RBFOX1: variants seen among roughly 807,000 people sequenced by gnomAD.
RBFOX1 encodes RNA binding protein fox-1 homolog 1.
A neutral mutation model predicts 57.7 loss-of-function variants in RBFOX1; 8 were observed. That is an observed-to-expected ratio of 0.14 (90% confidence interval 0.08 to 0.25). The LOEUF (loss-of-function observed/expected upper bound fraction) is 0.25, where lower values mean the gene tolerates loss of function less well. RBFOX1 is among the 10% of genes least tolerant of loss of function. The pLI is 1.00. For missense variants in RBFOX1, 611 were observed against 548.5 expected (o/e 1.11, Z -1.14); for synonymous variants, 326 against 222.4 (o/e 1.47, Z -4.15).
At chr16:6,033,107 C>A (rs1046744148) in intron 1 of RBFOX1, among the ~76,000 whole-genome samples, 6 of 152,126 alleles carry the variant, frequency 3.9e-5, no homozygotes, top group African/African-American at 9.7e-5. Context: ...TTACCGTGAG[C>A]ACAGCAAATT....
intron 2 of RBFOX1, among the ~76,000 whole-genome samples, chr16:6,634,917 TATA>T (rs1244527684): frequency 3.3e-5 from 4 of 121,472 alleles, no homozygotes; most frequent in African/African-American, 1.1e-4. Flanking sequence ...TTTTAATTTA[TATA>T]ATATAATATA....
At chr16:5,961,019 C>T (rs552903276) in intron 4 of RBFOX1, among the ~76,000 whole-genome samples, 1 of 152,284 alleles carries the variant, frequency 6.6e-6, no homozygotes, top group South Asian at 2.1e-4. Flanking sequence ...TTTTCATTTT[C>T]ACGGCATGAA....
At position 5,619,821 on chromosome 16, in the gene RBFOX1, A is replaced by T. The variant is rs1360905687; in HGVS notation, c.318+20860A>T. Among the ~76,000 whole-genome samples the T allele has an allele frequency of 1.2e-4, 18 of 152,116 alleles. 1 individual carries two copies. The highest frequency in any genetic ancestry group is 8.5e-4 in the Admixed American group (13 of 15,268). ...CCTTTCACTGAGTTTCCGTGAAGGC[A>T]GTCAGACCTGGGCAGGTCCCCTGGG... On this transcript the variant is annotated intron_variant, in intron 3 of 19. Transcript: ENST00000641259.
intron 2 of RBFOX1, among the ~76,000 whole-genome samples, chr16:6,595,822 T>C (rs1196680952): frequency 6.6e-6 from 1 of 152,220 alleles, no homozygotes; most frequent in Non-Finnish European, 1.5e-5. Context: ...TTAAGCATCT[T>C]TTTAATGTGC....
intron 1 of RBFOX1, among the ~76,000 whole-genome samples, chr16:5,295,025 TAA>T (rs34929778): frequency 7.5e-5 from 6 of 80,370 alleles, no homozygotes; most frequent in African/African-American, 6.6e-5. Context: ...GTGAGACTCT[TAA>T]AAAAAAAAAA....
At chr16:6,698,478 C>A (rs1407240175) in intron 3 of RBFOX1, among the ~76,000 whole-genome samples, 1 of 152,188 alleles carries the variant, frequency 6.6e-6, no homozygotes, top group African/African-American at 2.4e-5. Flanking sequence ...GTCATTATCT[C>A]TTCCTGGGCT....
chr16:5,914,820 G>A (rs2058672207), intron 4 of RBFOX1, among the ~76,000 whole-genome samples: 1 of 152,070 alleles, frequency 6.6e-6, no homozygotes, highest in African/African-American at 2.4e-5. Context: ...GCATGAACCT[G>A]GGAGGCGGAG....
intron 4 of RBFOX1, among the ~76,000 whole-genome samples, chr16:7,488,773 T>A (rs894939806): frequency 2.0e-5 from 3 of 152,242 alleles, no homozygotes; most frequent in African/African-American, 7.2e-5. Context: ...TTTGTATATG[T>A]ATACATCTAT....
At chr16:6,161,774 G>T (rs1485552834) in intron 1 of RBFOX1, among the ~76,000 whole-genome samples, 1 of 152,206 alleles carries the variant, frequency 6.6e-6, no homozygotes, top group Admixed American at 6.5e-5. Flanking sequence ...CTTGCTCCAA[G>T]ATTGAAATTT....
At chr16:5,933,176 C>T (rs911687795) in intron 4 of RBFOX1, among the ~76,000 whole-genome samples, 3 of 152,136 alleles carry the variant, frequency 2.0e-5, no homozygotes, top group African/African-American at 7.2e-5. Context: ...TTCCTTAGCA[C>T]GTTTGCATAC....
chr16:6,403,030 A>G (rs574094442), intron 2 of RBFOX1, among the ~76,000 whole-genome samples: 23 of 152,170 alleles, frequency 1.5e-4, no homozygotes, highest in South Asian at 1.2e-3. Flanking sequence ...TATTTGTTTA[A>G]TTCATGGGTT....
At chr16:7,054,512 A>G (rs1374304115) in intron 4 of RBFOX1, among the ~76,000 whole-genome samples, 3 of 128,200 alleles carry the variant, frequency 2.3e-5, no homozygotes, top group African/African-American at 5.4e-5. Context: ...AGGTGATGGG[A>G]TTACAGGTGT....
intron 2 of RBFOX1, among the ~76,000 whole-genome samples, chr16:6,379,203 C>T (rs986295906): frequency 1.3e-5 from 2 of 151,964 alleles, no homozygotes; most frequent in Admixed American, 1.3e-4. Context: ...TGTAGAAGAC[C>T]CAGCTGAGAT....
chr16:6,668,856 C>G (rs1419105250), intron 3 of RBFOX1, among the ~76,000 whole-genome samples: 3 of 152,128 alleles, frequency 2.0e-5, no homozygotes, highest in African/African-American at 2.4e-5. Flanking sequence ...TTTCTTTAAA[C>G]TCTGAATTAA....
At chr16:5,757,092 A>C (rs1296211828) in intron 3 of RBFOX1, among the ~76,000 whole-genome samples, 1 of 152,334 alleles carries the variant, frequency 6.6e-6, no homozygotes, top group Non-Finnish European at 1.5e-5. Context: ...GAGACCTAAA[A>C]TTAAGAACCA....
intron 1 of RBFOX1, among the ~76,000 whole-genome samples, chr16:6,121,851 C>G (rs1438325175): frequency 6.6e-6 from 1 of 152,164 alleles, no homozygotes; most frequent in Non-Finnish European, 1.5e-5. Flanking sequence ...TTAAGTGAGG[C>G]AATACCTGTA....
At chr16:5,290,471 T>A (rs2151171995) in intron 1 of RBFOX1, among the ~76,000 whole-genome samples, 1 of 152,320 alleles carries the variant, frequency 6.6e-6, no homozygotes, top group South Asian at 2.1e-4. Context: ...CTGATGGTGG[T>A]TGCCGAGCTC....
At chr16:6,503,075 A>G (rs1212006631) in intron 2 of RBFOX1, among the ~76,000 whole-genome samples, 1 of 152,238 alleles carries the variant, frequency 6.6e-6, no homozygotes, top group Non-Finnish European at 1.5e-5. Flanking sequence ...ATATGGATGC[A>G]TGGATATATT....
At chr16:5,840,391 C>T (rs368846389) in intron 3 of RBFOX1, among the ~76,000 whole-genome samples, 5 of 152,212 alleles carry the variant, frequency 3.3e-5, no homozygotes, top group Admixed American at 6.5e-5. Context: ...CGTCTGAGGG[C>T]GCATGAGATG....
Sources: allele counts gnomAD v4.1 joint callset (sites outside exome capture counted in the v4.1 genomes callset), GRCh38; gene constraint gnomAD v4.1.1; transcripts MANE v1.5; gene names NCBI Gene and HGNC (gene_info 2026-07-23, HGNC 2026-07-21).